Variants in LASP1 observed in about 807,000 individuals in gnomAD.
The protein encoded by LASP1 is LIM and SH3 domain protein 1.
LASP1 carries 10 observed loss-of-function variants against 38.6 expected under a neutral mutation model. That is an observed-to-expected ratio of 0.26 (90% CI 0.16 to 0.44). The LOEUF (loss-of-function observed/expected upper bound fraction) is 0.44, where lower values mean the gene tolerates loss of function less well. Among genes scored for constraint, LASP1 ranks in the 20% least tolerant of loss-of-function variants. The pLI, the probability that LASP1 is intolerant of heterozygous loss-of-function variation, is 1.00. For synonymous variants in LASP1, 132 were observed against 140.8 expected (o/e 0.94, Z 0.44); for missense variants, 243 against 375.7 (o/e 0.65, Z 2.92).
intron 4 of LASP1, among the ~76,000 whole-genome samples, chr17:38,900,265 A>T (rs1333428859): frequency 1.3e-5 from 2 of 149,822 alleles, no homozygotes; most frequent in African/African-American, 4.9e-5. Context: ...CTGTGGTCCT[A>T]GCTATTCAGG....
intron 2 of LASP1, among the ~76,000 whole-genome samples, chr17:38,890,017 A>G (rs1914258224): frequency 1.3e-5 from 2 of 152,170 alleles, no homozygotes; most frequent in South Asian, 4.1e-4. Context: ...TCTTAGCTGA[A>G]AGCTTAGTCC....
chr17:38,875,868 C>T (rs958735682), intron 1 of LASP1, among the ~76,000 whole-genome samples: 1 of 152,322 alleles, frequency 6.6e-6, no homozygotes, highest in East Asian at 1.9e-4. Context: ...AGAACCAGCT[C>T]TGTGGCTGGG....
At chr17:38,898,651 G>T (rs1214897538) in intron 4 of LASP1, 132 bp downstream of exon 4, 1 of 725,356 alleles carries the variant, frequency 1.4e-6, no homozygotes, top group East Asian at 2.7e-5. Flanking sequence ...TCCAGGGTGG[G>T]CCTGGGGAAG....
At chr17:38,875,473 T>C (rs779932327) in intron 1 of LASP1, among the ~76,000 whole-genome samples, 1 of 152,030 alleles carries the variant, frequency 6.6e-6, no homozygotes, top group Non-Finnish European at 1.5e-5. Context: ...TCATAGGAGT[T>C]TGGGGGCCCT....
chr17:38,872,345 C>G (rs1913634909), intron 1 of LASP1, among the ~76,000 whole-genome samples: 1 of 152,126 alleles, frequency 6.6e-6, no homozygotes, highest in Non-Finnish European at 1.5e-5. Flanking sequence ...GGGAGGGGAG[C>G]AGGGATGGGC....
rs1483977678 is a variant in LASP1 at position 38,920,873 on chromosome 17, T to G, written c.*2095T>G. On this transcript the variant is annotated 3_prime_UTR_variant, in exon 7 of 7. Coordinates refer to ENST00000318008, the MANE Select transcript of LASP1 (RefSeq NM_006148.4). ...CTTGATCTCAAAGCACAATGTGGATTTGGGGACCAAAGGTCAGGGACACAT... is the reference window on the plus strand; with the variant it reads ...CTTGATCTCAAAGCACAATGTGGATGTGGGGACCAAAGGTCAGGGACACAT... 1.3e-5 allele frequency: 3 copies of G among 232,334 alleles called. No individual in the cohort carries two copies. Among genetic ancestry groups the G allele is most frequent in the Non-Finnish European group, 2.6e-5 (3 of 117,358 alleles). 14.4% of individuals were successfully genotyped at this position (232,334 alleles called of 1,614,324 possible). A position where few individuals can be genotyped will look rare whatever the true frequency, so the allele number is the denominator to read the frequency against.
In LASP1 at chr17:38,918,858, G is replaced by T; in HGVS notation, c.*80G>T. Reference sequence around the variant, plus strand: ...GGGCGTGACCCGTCCATTCTTCAGTGTCTCTGTTTTTTAAAACCTGCGACA... The same window carrying T: ...GGGCGTGACCCGTCCATTCTTCAGTTTCTCTGTTTTTTAAAACCTGCGACA... On this transcript the variant is annotated 3_prime_UTR_variant, in exon 7 of 7. Coordinates refer to ENST00000318008, the MANE Select transcript of LASP1 (RefSeq NM_006148.4). The surrounding 1 kb of genome is among the most constrained non-coding windows in gnomAD (Gnocchi z 4.4). The T allele has an allele frequency of 2.0e-6, 3 of 1,495,984 alleles. No homozygotes were observed. The highest frequency in any genetic ancestry group is 2.7e-6 in the Non-Finnish European group (3 of 1,097,208). The allele number at this position is 1,495,984 out of a possible 1,614,324, so 92.7% of individuals were successfully genotyped here.
intron 2 of LASP1, among the ~76,000 whole-genome samples, chr17:38,882,406 C>T (rs1413971500): frequency 2.0e-5 from 3 of 152,150 alleles, no homozygotes; most frequent in African/African-American, 7.2e-5. Context: ...TGCCACCATG[C>T]CCGGCTAATT....
At chr17:38,880,882 G>A (rs1913928888) in intron 2 of LASP1, among the ~76,000 whole-genome samples, 1 of 152,150 alleles carries the variant, frequency 6.6e-6, no homozygotes, top group South Asian at 2.1e-4. Context: ...GAAGCAGGTG[G>A]ATCACTTAAG....
intron 4 of LASP1, among the ~76,000 whole-genome samples, chr17:38,907,929 T>C (rs1207577026): frequency 6.6e-6 from 1 of 152,164 alleles, no homozygotes; most frequent in Non-Finnish European, 1.5e-5. Flanking sequence ...ATGAGGAAAC[T>C]GAGACCCAGA....
Position 38,919,475 on chromosome 17 carries a change from G to T in LASP1, c.*697G>T. On this transcript the variant is annotated 3_prime_UTR_variant, in exon 7 of 7. Coordinates refer to ENST00000318008, the MANE Select transcript of LASP1 (RefSeq NM_006148.4). Reference sequence around the variant, plus strand: ...AAGAGCTCCCGAGGAAGCACAGCTTGGGTCAGGTTCTTGCCTTTCTTAATT... The same window carrying T: ...AAGAGCTCCCGAGGAAGCACAGCTTTGGTCAGGTTCTTGCCTTTCTTAATT... 1 of 242,870 alleles carries T rather than the reference G, an allele frequency of 4.1e-6. No homozygotes were observed. Among genetic ancestry groups the T allele is most frequent in the Admixed American group, 5.0e-5 (1 of 19,948 alleles). 15.0% of individuals were successfully genotyped at this position (242,870 alleles called of 1,614,324 possible).
At position 38,919,253 on chromosome 17, in the gene LASP1, G is replaced by A. The variant is rs660413; in HGVS notation, c.*475G>A. 192,356 of 247,676 alleles carry A rather than the reference G, an allele frequency of 0.78. 75,459 individuals are homozygous for A. Among genetic ancestry groups the A allele is most frequent in the African/African-American group, 0.87 (39,804 of 45,670 alleles). 15.3% of individuals were successfully genotyped at this position (247,676 alleles called of 1,614,324 possible). ...CGATGGGGACTCTGCCGCTGTGTAG[G>A]GACCAGTGGGATGGGCTCTACCTCT... On this transcript the variant is annotated 3_prime_UTR_variant, in exon 7 of 7. Transcript: ENST00000318008.
chr17:38,883,320 T>C (rs12953084), intron 2 of LASP1, among the ~76,000 whole-genome samples: 33,701 of 151,996 alleles, frequency 0.22, 4,147 homozygotes, highest in African/African-American at 0.28. Flanking sequence ...GTTGAGGCTG[T>C]AGTGAGCCCT....
chr17:38,918,455 TAAG>T lies in LASP1; in HGVS notation c.613-147_613-145del, dbSNP rs1224820370. The T allele has an allele frequency of 1.3e-6, 1 of 794,428 alleles. No individual in the cohort carries two copies. Among genetic ancestry groups the T allele is most frequent in the African/African-American group, 1.7e-5 (1 of 58,102 alleles). 49.2% of individuals were successfully genotyped at this position (794,428 alleles called of 1,614,324 possible). A position where few individuals can be genotyped will look rare whatever the true frequency, so the allele number is the denominator to read the frequency against. On this transcript the variant is annotated intron_variant, in intron 6 of 6. Transcript: ENST00000318008. This position sits in a 1 kb window ranked among gnomAD's most constrained non-coding sequence, Gnocchi z 4.4. ...CTCTCAGAAAGCAAGACACAGAGGT[TAAG>T]AATCTTTGCAGCAGAGCCTGGTGCT...
chr17:38,874,558 C>A (rs1913704707), intron 1 of LASP1, among the ~76,000 whole-genome samples: 1 of 152,118 alleles, frequency 6.6e-6, no homozygotes, highest in Admixed American at 6.5e-5. Flanking sequence ...AGGGGAGTCG[C>A]CTGAAGCTGC....
intron 3 of LASP1, among the ~76,000 whole-genome samples, chr17:38,893,165 G>A (rs1914392533): frequency 1.3e-5 from 2 of 152,254 alleles, no homozygotes; most frequent in Admixed American, 1.3e-4. Context: ...CCAGGGACAG[G>A]GGCAGACATC....
In LASP1 at chr17:38,915,119, A is replaced by C. The variant is rs1385350704; in HGVS notation, c.585A>C (p.Ile195=). The part of the protein sequence containing the change: ...GYKEPAAPVS[I]QRSAPGGGGK... ...AGGAGCCTGCAGCCCCAGTCTCCAT[A>C]CAGCGCAGCGCCCCAGGTGGTGGCG... Residue 195 remains isoleucine (I), a synonymous_variant, in exon 6 of 7, where the codon ATA becomes ATC. Transcript: ENST00000318008. The C allele has an allele frequency of 6.2e-7, 1 of 1,613,864 alleles. No homozygotes were observed. Among genetic ancestry groups the C allele is most frequent in the South Asian group, 1.1e-5 (1 of 91,070 alleles).
chr17:38,902,382 T>C (rs894887642), intron 4 of LASP1, among the ~76,000 whole-genome samples: 54 of 148,972 alleles, frequency 3.6e-4, no homozygotes, highest in Non-Finnish European at 7.0e-4. Context: ...CTTTTTTTTT[T>C]TTTTTTTTTT....
rs527439864 is a variant in LASP1 at position 38,912,231 on chromosome 17, C to T, written c.358-2094C>T. ...CCCTGTCCCATATGGGCCCAGGGGCCGGTTCTGGGCTGGCCCAGGTGGGGC... is the reference window on the plus strand; with the variant it reads ...CCCTGTCCCATATGGGCCCAGGGGCTGGTTCTGGGCTGGCCCAGGTGGGGC... On this transcript the variant is annotated intron_variant, in intron 4 of 6. Transcript: ENST00000318008. 1.6e-4 allele frequency among the ~76,000 whole-genome samples: 25 copies of T among 152,368 alleles called. No homozygotes were observed. The South Asian group carries it at 4.8e-3, about 29-fold the overall frequency.
Sources: gnomAD v4.1 joint callset for allele counts (sites outside exome capture counted in the v4.1 genomes callset) on GRCh38, gnomAD v4.1.1 for gene constraint, Gnocchi (gnomAD v3.1) non-coding constraint, MANE v1.5 for transcripts, NCBI Gene and HGNC (gene_info 2026-07-23, HGNC 2026-07-21) for gene names.